Variants in CD36 observed in about 807,000 individuals in gnomAD.
CD36 encodes the protein platelet glycoprotein 4.
A neutral mutation model predicts 55.2 loss-of-function variants in CD36; 119 were observed. The ratio of observed to expected loss-of-function variants is 2.15; its 90% CI spans 1.86 to 2.51. The LOEUF (loss-of-function observed/expected upper bound fraction) is 2.51. Among genes scored for constraint, CD36 ranks in the 30% most tolerant of loss-of-function variants. The pLI is 0.00. For synonymous variants in CD36, 186 were observed against 193.6 expected (o/e 0.96, Z 0.33); for missense variants, 819 against 555.5 (o/e 1.47, Z -4.77).
chr7:80,652,140 G>A (rs984557687), intron 3 of CD36, among the ~76,000 whole-genome samples: 15 of 152,096 alleles, frequency 9.9e-5, no homozygotes, highest in African/African-American at 3.4e-4. Flanking sequence ...TAAAATAGCA[G>A]TATAAAAACG....
intron 7 of CD36, among the ~76,000 whole-genome samples, chr7:80,665,199 C>CT (rs57384753): frequency 0.073 from 10,707 of 146,258 alleles, 797 homozygotes; most frequent in African/African-American, 0.19. Context: ...CCATTATTTC[C>CT]TTTTTTTTTT....
chr7:80,635,979 C>T (rs966599861), upstream of CD36, among the ~76,000 whole-genome samples: 4 of 151,992 alleles, frequency 2.6e-5, no homozygotes, highest in Admixed American at 2.6e-4. Context: ...ACAAGCATCC[C>T]CCTCCTCAAA....
rs144344249 is a variant in CD36 at position 80,656,577 on chromosome 7, A to G, written c.158A>G (p.Asn53Ser). ...VLEEGTIAFK[N>S]WVKTGTEVYR... The stretch of plus-strand genomic sequence containing the variant: ...GAAGAAGGTACAATTGCTTTTAAAA[A>G]TTGGGTTAAAACAGGCACAGAAGTT... The change falls in exon 4 of 15, where the codon AAT (asparagine) becomes AGT (serine). Residue 53 changes from asparagine (N) to serine (S), a missense_variant. Coordinates refer to ENST00000447544, the MANE Select transcript of CD36 (RefSeq NM_001001548.3). 8.9e-4 allele frequency: 1,430 copies of G among 1,613,772 alleles called. 18 individuals are homozygous for G. In the African/African-American group the frequency reaches 0.016, roughly 18 times the overall value.
rs1368920859 is a variant in CD36, at chr7:80,664,487, A to G, written c.691A>G (p.Lys231Glu). The part of the protein sequence containing the change: ...ISKVAIIDTY[K>E]GKRNLSYWES... ...TAAAGTTGCCATAATCGACACATAT[A>G]AAGGTAAAAGGTAAGTATTCTGGTA... The change falls in exon 7 of 15, where the codon AAA (lysine) becomes GAA (glutamate). Residue 231 changes from lysine (K) to glutamate (E), a missense_variant. Lys to Glu is a moderately conservative substitution (Grantham distance 56). Coordinates refer to ENST00000447544, the MANE Select transcript of CD36 (RefSeq NM_001001548.3). 1.3e-6 allele frequency: 2 copies of G among 1,516,236 alleles called. No homozygotes were observed. Among genetic ancestry groups the G allele is most frequent in the Admixed American group, 1.7e-5 (1 of 59,854 alleles). 93.9% of individuals were successfully genotyped at this position (1,516,236 alleles called of 1,614,324 possible).
upstream of CD36, among the ~76,000 whole-genome samples, chr7:80,636,017 C>T (rs191987031): frequency 6.8e-4 from 103 of 152,162 alleles, no homozygotes; most frequent in African/African-American, 2.4e-3. Context: ...AGTGCAAAGG[C>T]AGGTGCAAAG....
intron 6 of CD36, 141 bp downstream of exon 6, chr7:80,663,310 C>T: frequency 1.4e-6 from 1 of 722,046 alleles, no homozygotes; most frequent in Non-Finnish European, 2.4e-6. Flanking sequence ...TTAAAAAGTC[C>T]ACTTCTCATT....
chr7:80,612,294 CAGG>C (rs753194826), intron 1 of CD36, among the ~76,000 whole-genome samples: 2 of 152,184 alleles, frequency 1.3e-5, no homozygotes, highest in African/African-American at 2.4e-5. Context: ...TGAAAAATCA[CAGG>C]AGATCAGTCC....
rs368593065 is a variant in CD36, at chr7:80,673,332, A to G, written c.1200-23A>G. On this transcript the variant is annotated intron_variant, in intron 12 of 14. Transcript: ENST00000447544. ...ATAAATATTAGTTTATATGTTCATAATTATTTTCAACGTATATTACAGAGT... is the reference window on the plus strand; with the variant it reads ...ATAAATATTAGTTTATATGTTCATAGTTATTTTCAACGTATATTACAGAGT... 20 of 1,112,422 alleles carry G rather than the reference A, an allele frequency of 1.8e-5. No homozygotes were observed. The African/African-American group carries it at 2.9e-4, about 16-fold the overall frequency. 68.9% of individuals were successfully genotyped at this position (1,112,422 alleles called of 1,614,324 possible).
intron 14 of CD36, chr7:80,676,121 C>G (rs1798155228): frequency 6.6e-6 from 1 of 152,128 alleles, no homozygotes; most frequent in South Asian, 2.1e-4. Flanking sequence ...GTAAATGATT[C>G]TTCACATTTG....
At chr7:80,623,172 G>A (rs1793564348) in intron 1 of CD36, among the ~76,000 whole-genome samples, 1 of 151,904 alleles carries the variant, frequency 6.6e-6, no homozygotes, top group Non-Finnish European at 1.5e-5. Flanking sequence ...ACTAAATTTT[G>A]GACTTCTATT....
rs1288801998 is a variant in CD36, at chr7:80,676,945, A to AT, written c.*568dup. 7.2e-5 allele frequency: 11 copies of AT among 152,200 alleles called. No individual in the cohort carries two copies. Among genetic ancestry groups the AT allele is most frequent in the Non-Finnish European group, 8.8e-5 (6 of 68,022 alleles). 9.4% of individuals were successfully genotyped at this position (152,200 alleles called of 1,614,324 possible). A position where few individuals can be genotyped will look rare whatever the true frequency, so the allele number is the denominator to read the frequency against. On this transcript the variant is annotated 3_prime_UTR_variant, in exon 15 of 15. Coordinates refer to ENST00000447544, the MANE Select transcript of CD36 (RefSeq NM_001001548.3). ...ACTATGCATTGTTATTCATTATAATATTTTTTGCTGTCATAATCGCCTCAT... is the reference window on the plus strand; with the variant it reads ...ACTATGCATTGTTATTCATTATAATATTTTTTTGCTGTCATAATCGCCTCAT...
At chr7:80,611,477 A>C (rs1792875336) in intron 1 of CD36, among the ~76,000 whole-genome samples, 1 of 152,172 alleles carries the variant, frequency 6.6e-6, no homozygotes, top group Non-Finnish European at 1.5e-5. Flanking sequence ...TCCTGATAGC[A>C]CTGGAGTTAG....
chr7:80,620,284 C>T (rs1793392885), intron 1 of CD36, among the ~76,000 whole-genome samples: 1 of 152,020 alleles, frequency 6.6e-6, no homozygotes, highest in Admixed American at 6.5e-5. Context: ...AGCTTAGTCC[C>T]CAAGATTGCC....
In CD36 at chr7:80,669,124, C is replaced by A. The variant is rs11574721; in HGVS notation, c.749-829C>A. Among the ~76,000 whole-genome samples, 209 of 152,208 alleles carry A rather than the reference C, an allele frequency of 1.4e-3. 3 individuals are homozygous for A. In the East Asian group the frequency reaches 0.038, roughly 28 times the overall value. The stretch of plus-strand genomic sequence containing the variant: ...TGGCAGGAGATCCAAATGAACTTCA[C>A]TGGAAGAAAAGTGCCACTCTACTGG... On this transcript the variant is annotated intron_variant, in intron 8 of 14. Transcript: ENST00000447544.
chr7:80,628,056 C>A (rs978739091), intron 1 of CD36, among the ~76,000 whole-genome samples: 1 of 151,866 alleles, frequency 6.6e-6, no homozygotes, highest in African/African-American at 2.4e-5. Context: ...CATAAAAAAA[C>A]GCACATCTGG....
chr7:80,664,486 T>C lies in CD36; in HGVS notation c.690T>C (p.Tyr230=), dbSNP rs1455971783. 4.5e-6 allele frequency: 7 copies of C among 1,542,950 alleles called. 1 individual carries two copies. Among genetic ancestry groups the C allele is most frequent in the South Asian group, 2.2e-5 (2 of 89,616 alleles). Reference sequence around the variant, plus strand: ...GTAAAGTTGCCATAATCGACACATATAAAGGTAAAAGGTAAGTATTCTGGT... The same window carrying C: ...GTAAAGTTGCCATAATCGACACATACAAAGGTAAAAGGTAAGTATTCTGGT... ...NISKVAIIDT[Y]KGKRNLSYWE... is the part of the protein sequence containing the mutation. The change falls in exon 7 of 15, where the codon TAT becomes TAC. Residue 230 remains tyrosine, a synonymous_variant. Coordinates refer to ENST00000447544, the MANE Select transcript of CD36 (RefSeq NM_001001548.3).
intron 9 of CD36, chr7:80,670,664 C>T: frequency 2.9e-6 from 1 of 341,494 alleles, no homozygotes; most frequent in East Asian, 6.8e-5. Flanking sequence ...GTGAAAGAAA[C>T]TATTTCATTT....
At chr7:80,651,705 T>C (rs534776182) in intron 3 of CD36, among the ~76,000 whole-genome samples, 3 of 152,176 alleles carry the variant, frequency 2.0e-5, no homozygotes, top group African/African-American at 7.2e-5. Context: ...CTCAGGAGTT[T>C]GAGACCAGCC....
chr7:80,673,159 T>TG, intron 12 of CD36, 196 bp from the exon 13 acceptor site: 9 of 512,414 alleles, frequency 1.8e-5, no homozygotes, highest in Non-Finnish European at 2.8e-5. Context: ...TCCACACTTG[T>TG]GAAAAAAAAT....
Sources: gnomAD v4.1 joint callset for allele counts (sites outside exome capture counted in the v4.1 genomes callset) on GRCh38, gnomAD v4.1.1 for gene constraint, MANE v1.5 for transcripts, NCBI Gene and HGNC (gene_info 2026-07-23, HGNC 2026-07-21) for gene names.